TUB: variants seen among roughly 807,000 people sequenced by gnomAD.
TUB encodes TUB bipartite transcription factor.
TUB carries 33 observed loss-of-function variants against 59.7 expected under a neutral mutation model. The ratio of observed to expected loss-of-function variants is 0.55; its 90% CI spans 0.42 to 0.74. The LOEUF is 0.74. TUB is among the 30% of genes least tolerant of loss of function. TUB has a pLI of 0.00. For synonymous variants in TUB, 293 were observed against 256.4 expected (o/e 1.14, Z -1.36); for missense variants, 659 against 672.0 (o/e 0.98, Z 0.21).
intron 2 of TUB, among the ~76,000 whole-genome samples, chr11:8,046,017 G>A (rs1049907896): frequency 1.3e-5 from 2 of 152,178 alleles, no homozygotes; most frequent in Non-Finnish European, 2.9e-5. Flanking sequence ...GTGCAGATCA[G>A]TACTCAGCCA....
In TUB at chr11:8,081,372, C is replaced by G; in HGVS notation, c.-139C>G. 1 of 991,118 alleles carries G rather than the reference C, an allele frequency of 1.0e-6. No individual in the cohort carries two copies. The highest frequency in any genetic ancestry group is 1.1e-4 in the East Asian group (1 of 9,008). 61.4% of individuals were successfully genotyped at this position (991,118 alleles called of 1,614,324 possible). Reference sequence around the variant, plus strand: ...CAGCAGCCGGGGCCCTGGCGTGCAGCGCGGGCCTCGGCGGGGCCCAGCGCC... The same window carrying G: ...CAGCAGCCGGGGCCCTGGCGTGCAGGGCGGGCCTCGGCGGGGCCCAGCGCC... On this transcript the variant is annotated 5_prime_UTR_variant, in exon 1 of 12. Transcript: ENST00000299506.
At chr11:8,086,385 G>A (rs551205697) in intron 1 of TUB, among the ~76,000 whole-genome samples, 261 of 152,230 alleles carry the variant, frequency 1.7e-3, no homozygotes, top group Non-Finnish European at 2.5e-3. Context: ...GGGTGGGGGC[G>A]GAGAAGGGAA....
rs539981990 is a variant in TUB, at chr11:8,104,780, A to G, written c.*3161A>G. On this transcript the variant is annotated 3_prime_UTR_variant, in exon 12 of 12. Coordinates refer to ENST00000299506, the MANE Select transcript of TUB (RefSeq NM_177972.3). ...GTGAATGTGCCTTAAAAATCAAGACACTAGTTCAGAGGAAGCACATAATGT... is the reference window on the plus strand; with the variant it reads ...GTGAATGTGCCTTAAAAATCAAGACGCTAGTTCAGAGGAAGCACATAATGT... 1.3e-5 allele frequency: 2 copies of G among 152,260 alleles called. No individual in the cohort carries two copies. Among genetic ancestry groups the G allele is most frequent in the East Asian group, 3.9e-4 (2 of 5,176 alleles). 9.4% of individuals were successfully genotyped at this position (152,260 alleles called of 1,614,324 possible). A position where few individuals can be genotyped will look rare whatever the true frequency, so the allele number is the denominator to read the frequency against.
At chr11:8,089,724 G>T in intron 2 of TUB, 63 bp downstream of exon 2, 4 of 1,596,268 alleles carry the variant, frequency 2.5e-6, no homozygotes, top group Non-Finnish European at 3.4e-6. Context: ...AGGGCAGAGG[G>T]GCAGGGCTGT....
In TUB at chr11:8,100,919, C is replaced by A; in HGVS notation, c.1309C>A (p.Gln437Lys). 1 of 1,614,176 alleles carries A rather than the reference C, an allele frequency of 6.2e-7. No individual in the cohort carries two copies. The highest frequency in any genetic ancestry group is 8.5e-7 in the Non-Finnish European group (1 of 1,180,030). ...GACACCTGTCTGGAATGATGACACA[C>A]AGTCCTATGTACTCAACTTCCATGG... is the stretch of plus-strand genomic sequence containing the variant. ...NKTPVWNDDT[Q>K]SYVLNFHGRV... Residue 437 changes from glutamine to lysine, a missense_variant, in exon 11 of 12, where the codon CAG becomes AAG. By Grantham distance (53) the Gln-to-Lys change is moderately conservative (BLOSUM62 1). Coordinates refer to ENST00000299506, the MANE Select transcript of TUB (RefSeq NM_177972.3).
At position 8,101,225 on chromosome 11, in the gene TUB, C is replaced by G. The variant is rs80278220; in HGVS notation, c.1387+228C>G. On this transcript the variant is annotated intron_variant, in intron 11 of 11. Coordinates refer to ENST00000299506, the MANE Select transcript of TUB (RefSeq NM_177972.3). ...TGTGTATTCAACGGAGTCTCAGGCA[C>G]GGGAACACCCTTTAAAAGGACTTTT... Among the ~76,000 whole-genome samples the G allele has an allele frequency of 5.3e-3, 801 of 152,316 alleles. 7 individuals carry two copies. Among genetic ancestry groups the G allele is most frequent in the African/African-American group, 0.019 (772 of 41,554 alleles).
At position 8,101,843 on chromosome 11, in the gene TUB, TA is replaced by T; in HGVS notation, c.*226del. 2.2e-6 allele frequency: 1 copy of T among 464,550 alleles called. No individual in the cohort carries two copies. The highest frequency in any genetic ancestry group is 7.8e-5 in the South Asian group (1 of 12,834). 28.8% of individuals were successfully genotyped at this position (464,550 alleles called of 1,614,324 possible). A position where few individuals can be genotyped will look rare whatever the true frequency, so the allele number is the denominator to read the frequency against. Reference sequence around the variant, plus strand: ...GTGGGTGGGTGTGAAGGGATGAGAATAATTCTTTCCATGCCACGAGATCAAC... The same window carrying T: ...GTGGGTGGGTGTGAAGGGATGAGAATATTCTTTCCATGCCACGAGATCAAC... On this transcript the variant is annotated 3_prime_UTR_variant, in exon 12 of 12. Transcript: ENST00000299506.
At chr11:8,039,138 T>C (rs1270630001) in intron 1 of TUB, 1 of 1,347,856 alleles carries the variant, frequency 7.4e-7, no homozygotes, top group Non-Finnish European at 9.9e-7. Context: ...CTCCCCTTCC[T>C]GATGGTGCTG....
In TUB at chr11:8,090,171, G is replaced by A. The variant is rs1236629301; in HGVS notation, c.193G>A (p.Glu65Lys). ...CCGGAGCCGGCGGGCCCGGCAGTCA[G>A]AGGAACAAGCCCCCCTGGTGGAGTC... is the stretch of plus-strand genomic sequence containing the variant. ...RPRSRRARQSEEQAPLVESYL... is the reference protein window; with the variant it reads ...RPRSRRARQSKEQAPLVESYL... The change falls in exon 3 of 12, where the codon GAG (glutamate) becomes AAG (lysine). Residue 65 changes from glutamate to lysine, a missense_variant. By Grantham distance (56) the Glu-to-Lys change is moderately conservative. Coordinates refer to ENST00000299506, the MANE Select transcript of TUB (RefSeq NM_177972.3). 2 of 1,613,744 alleles carry A rather than the reference G, an allele frequency of 1.2e-6. No homozygotes were observed. The highest frequency in any genetic ancestry group is 2.2e-5 in the South Asian group (2 of 91,084).
chr11:8,037,682 C>T (rs1226583723), upstream of TUB, among the ~76,000 whole-genome samples: 1 of 152,138 alleles, frequency 6.6e-6, no homozygotes, highest in Non-Finnish European at 1.5e-5. Flanking sequence ...AAGGGACAGA[C>T]AGAAGGTGAT....
chr11:8,079,993 G>A (rs1943514956), upstream of TUB, among the ~76,000 whole-genome samples: 2 of 152,278 alleles, frequency 1.3e-5, no homozygotes, highest in South Asian at 2.1e-4. Flanking sequence ...TCCAAATATT[G>A]TGGGTTATTG....
intron 1 of TUB, among the ~76,000 whole-genome samples, chr11:8,030,174 G>A (rs1321557874): frequency 6.6e-6 from 1 of 152,170 alleles, no homozygotes; most frequent in Non-Finnish European, 1.5e-5. Flanking sequence ...GACATCATCA[G>A]GCACTGTGGT....
At chr11:8,061,711 G>A (rs917998125) in intron 2 of TUB, among the ~76,000 whole-genome samples, 2 of 152,046 alleles carry the variant, frequency 1.3e-5, no homozygotes, top group Admixed American at 1.3e-4. Context: ...GCCTCCTGCC[G>A]CTGCCCCTAC....
Position 8,089,491 on chromosome 11 carries a change from A to G in TUB, c.39-119A>G. On this transcript the variant is annotated intron_variant, in intron 1 of 11. Coordinates refer to ENST00000299506, the MANE Select transcript of TUB (RefSeq NM_177972.3). ...CTCCTTCTACCATGTGGGCTCACTG[A>G]GTCCCAGCAGCCGTGATGGGATGGG... 4.1e-6 allele frequency: 5 copies of G among 1,205,294 alleles called. No homozygotes were observed. In the Admixed American group the frequency reaches 7.1e-5, roughly 17 times the overall value. 74.7% of individuals were successfully genotyped at this position (1,205,294 alleles called of 1,614,324 possible).
intron 1 of TUB, among the ~76,000 whole-genome samples, chr11:8,028,778 G>T (rs974495054): frequency 3.9e-5 from 1 of 25,672 alleles, no homozygotes; most frequent in Non-Finnish European, 6.9e-5. Flanking sequence ...GGAGGCTCGG[G>T]TAGGAGGATT....
chr11:8,044,466 A>G (rs560329676), intron 2 of TUB, among the ~76,000 whole-genome samples: 1 of 152,264 alleles, frequency 6.6e-6, no homozygotes, highest in South Asian at 2.1e-4. Context: ...TGAGTTTATC[A>G]TAGCTCTTTT....
intron 3 of TUB, 111 bp from the exon 4 acceptor site, chr11:8,093,935 G>A: frequency 7.8e-7 from 1 of 1,285,012 alleles, no homozygotes; most frequent in Non-Finnish European, 1.1e-6. Context: ...GGCCCTGGTG[G>A]GACTCGGGGT....
In TUB at chr11:8,105,648, C is replaced by T. The variant is rs926407191; in HGVS notation, c.*4029C>T. 6.6e-6 allele frequency: 1 copy of T among 152,044 alleles called. No homozygotes were observed. Among genetic ancestry groups the T allele is most frequent in the Non-Finnish European group, 1.5e-5 (1 of 67,996 alleles). The allele number at this position is 152,044 out of a possible 1,614,324, so 9.4% of individuals were successfully genotyped here. A position where few individuals can be genotyped will look rare whatever the true frequency, so the allele number is the denominator to read the frequency against. On this transcript the variant is annotated 3_prime_UTR_variant, in exon 12 of 12. Coordinates refer to ENST00000299506, the MANE Select transcript of TUB (RefSeq NM_177972.3). ...AAGATGTTACATTGTCAAAGCTTGC[C>T]GTAGGATTTGGGGTGAATGAAAATT...
At chr11:8,095,802 A>G (rs1349673071) in intron 5 of TUB, 137 bp downstream of exon 5, 2 of 965,908 alleles carry the variant, frequency 2.1e-6, no homozygotes, top group Admixed American at 5.7e-5. Context: ...CACACTTCGG[A>G]GACAAATGAG....
Sources: gnomAD v4.1 joint callset for allele counts (sites outside exome capture counted in the v4.1 genomes callset) on GRCh38, gnomAD v4.1.1 for gene constraint, MANE v1.5 for transcripts, NCBI Gene and HGNC (gene_info 2026-07-23, HGNC 2026-07-21) for gene names.